LRRC4C: variants seen among roughly 807,000 people sequenced by gnomAD.
LRRC4C encodes the protein leucine rich repeat containing 4C, also known as leucine-rich repeat-containing protein 4C.
Under a neutral mutation model 33.6 loss-of-function variants are expected in LRRC4C, and 5 were observed. The observed-to-expected ratio is 0.15, with a 90% CI of 0.08 to 0.31. The LOEUF is 0.31. Among genes scored for constraint, LRRC4C ranks in the 10% least tolerant of loss-of-function variants. LRRC4C has a pLI of 1.00. For missense variants in LRRC4C, 560 were observed against 796.7 expected (o/e 0.70, Z 3.58); for synonymous variants, 329 against 302.0 (o/e 1.09, Z -0.93).
chr11:41,209,615 A>C (rs1031410071), intron 1 of LRRC4C, among the ~76,000 whole-genome samples: 6 of 151,214 alleles, frequency 4.0e-5, no homozygotes, highest in Non-Finnish European at 5.9e-5. Context: ...ACTGCACTCC[A>C]GCCTGGGCAA....
chr11:40,280,672 G>C (rs1468140837), intron 4 of LRRC4C, among the ~76,000 whole-genome samples: 1 of 152,136 alleles, frequency 6.6e-6, no homozygotes, highest in Non-Finnish European at 1.5e-5. Flanking sequence ...GGTTAAGAGA[G>C]TGGGCTCACT....
At chr11:40,671,015 G>C (rs1380881944) in intron 2 of LRRC4C, among the ~76,000 whole-genome samples, 1 of 152,182 alleles carries the variant, frequency 6.6e-6, no homozygotes, top group African/African-American at 2.4e-5. Flanking sequence ...CGCCCGCCTT[G>C]GCCTCCCAAG....
intron 2 of LRRC4C, among the ~76,000 whole-genome samples, chr11:40,778,740 G>T (rs1431611646): frequency 6.6e-6 from 1 of 152,180 alleles, no homozygotes; most frequent in Non-Finnish European, 1.5e-5. Context: ...TTGGGTAAAT[G>T]TGTGGCAGAA....
chr11:41,440,560 G>A (rs901212074), intron 1 of LRRC4C, among the ~76,000 whole-genome samples: 11 of 151,936 alleles, frequency 7.2e-5, no homozygotes, highest in Non-Finnish European at 1.0e-4. Flanking sequence ...TTAAAAAAAA[G>A]TATAGTCTAA....
chr11:41,153,462 T>TA (rs1373383241), intron 1 of LRRC4C, among the ~76,000 whole-genome samples: 9 of 152,246 alleles, frequency 5.9e-5, no homozygotes, highest in African/African-American at 2.2e-4. Flanking sequence ...CTCAATTAAT[T>TA]AAAAAAGAAA....
At chr11:40,866,422 A>C (rs1954373731) in intron 2 of LRRC4C, among the ~76,000 whole-genome samples, 1 of 152,120 alleles carries the variant, frequency 6.6e-6, no homozygotes, top group Non-Finnish European at 1.5e-5. Flanking sequence ...AATCACGTAC[A>C]TTTTCAATTA....
intron 1 of LRRC4C, among the ~76,000 whole-genome samples, chr11:41,076,528 C>T (rs1036259056): frequency 6.6e-6 from 1 of 152,148 alleles, no homozygotes; most frequent in Non-Finnish European, 1.5e-5. Context: ...ACAACCAGAT[C>T]TTGTGAGAAC....
intron 2 of LRRC4C, among the ~76,000 whole-genome samples, chr11:40,672,360 C>T (rs1253623906): frequency 6.6e-6 from 1 of 152,180 alleles, no homozygotes; most frequent in African/African-American, 2.4e-5. Flanking sequence ...CTAATACCAT[C>T]ATCTTGGGAG....
Position 40,733,061 on chromosome 11 carries a change from GTTTTTTTTTTTT to G in LRRC4C, c.-406-84795_-406-84784del, listed in dbSNP as rs544471413. Reference sequence around the variant, plus strand: ...GGATCCAAAACCAGTTATGAATATAGTTTTTTTTTTTTTTTTTTTTTTTTTTTTTTTTGAGAT... The same window carrying G: ...GGATCCAAAACCAGTTATGAATATAGTTTTTTTTTTTTTTTTTTTTGAGAT... On this transcript the variant is annotated intron_variant, in intron 2 of 6. Coordinates refer to ENST00000528697, the MANE Select transcript of LRRC4C (RefSeq NM_001258419.2). Among the ~76,000 whole-genome samples, 200 of 57,662 alleles carry G rather than the reference GTTTTTTTTTTTT, an allele frequency of 3.5e-3. 3 individuals are homozygous for G. The highest frequency in any genetic ancestry group is 0.012 in the African/African-American group (177 of 14,170). The allele number at this position is 57,662 out of a possible 152,430, so 37.8% of individuals were successfully genotyped here.
intron 3 of LRRC4C, among the ~76,000 whole-genome samples, chr11:40,389,770 G>T (rs575306768): frequency 5.3e-5 from 8 of 152,282 alleles, no homozygotes; most frequent in South Asian, 2.1e-4. Context: ...TTTTACTCAT[G>T]CCTACCTCCT....
At chr11:41,131,965 G>C (rs1943033430) in intron 1 of LRRC4C, among the ~76,000 whole-genome samples, 1 of 152,176 alleles carries the variant, frequency 6.6e-6, no homozygotes, top group African/African-American at 2.4e-5. Context: ...CCCTTGTTTA[G>C]TGTATAATCA....
intron 3 of LRRC4C, among the ~76,000 whole-genome samples, chr11:40,615,860 T>C (rs921885464): frequency 1.3e-5 from 2 of 151,784 alleles, no homozygotes; most frequent in Non-Finnish European, 3.0e-5. Flanking sequence ...GTTGGGCACA[T>C]AGGTGTTCAA....
intron 4 of LRRC4C, among the ~76,000 whole-genome samples, chr11:40,285,629 C>A (rs928019237): frequency 2.0e-5 from 3 of 152,120 alleles, no homozygotes; most frequent in Non-Finnish European, 4.4e-5. Flanking sequence ...CACTTCTATA[C>A]TTAAGGGCAT....
At chr11:40,293,805 T>C (rs921076064) in intron 4 of LRRC4C, 1 of 152,322 alleles carries the variant, frequency 6.6e-6, no homozygotes, top group East Asian at 1.9e-4. Flanking sequence ...GCTAGTCCTC[T>C]GCGAGGAGAC....
intron 1 of LRRC4C, among the ~76,000 whole-genome samples, chr11:41,027,616 GTTTA>G (rs1398538628): frequency 6.6e-6 from 1 of 151,694 alleles, no homozygotes; most frequent in Non-Finnish European, 1.5e-5. Context: ...AGTAAATATA[GTTTA>G]TTTATTTGTT....
intron 1 of LRRC4C, among the ~76,000 whole-genome samples, chr11:41,258,640 T>C (rs1157801708): frequency 6.6e-6 from 1 of 151,962 alleles, no homozygotes; most frequent in South Asian, 2.1e-4. Flanking sequence ...TTATATCTTA[T>C]AGAAGGAAGG....
chr11:41,334,532 A>C (rs1951391478), intron 1 of LRRC4C, among the ~76,000 whole-genome samples: 1 of 152,142 alleles, frequency 6.6e-6, no homozygotes. Flanking sequence ...TATAACACTA[A>C]GATTTTCCTT....
Position 41,229,008 on chromosome 11 carries a change from CTGGGGG to C in LRRC4C, c.-496+230417_-496+230422del, listed in dbSNP as rs1947665373. ...CTGGACAATTCTATTATCTCTAGTT[CTGGGGG>C]TGTAAATTCTCCTATTTGTTGCATT... On this transcript the variant is annotated intron_variant, in intron 1 of 6. Coordinates refer to ENST00000528697, the MANE Select transcript of LRRC4C (RefSeq NM_001258419.2). Among the ~76,000 whole-genome samples, 3 of 152,176 alleles carry C rather than the reference CTGGGGG, an allele frequency of 2.0e-5. No individual in the cohort carries two copies. The South Asian group carries it at 6.2e-4, about 32-fold the overall frequency.
intron 4 of LRRC4C, among the ~76,000 whole-genome samples, chr11:40,248,568 T>C (rs2136156190): frequency 6.6e-6 from 1 of 152,158 alleles, no homozygotes; most frequent in East Asian, 1.9e-4. Context: ...ACAGGCATGG[T>C]GGTATGACCC....
Sources: allele counts gnomAD v4.1 joint callset (sites outside exome capture counted in the v4.1 genomes callset), GRCh38; gene constraint gnomAD v4.1.1; transcripts MANE v1.5; gene names NCBI Gene and HGNC (gene_info 2026-07-23, HGNC 2026-07-21).